The following THOC1 variants were observed in gnomAD, a reference collection of about 807,000 sequenced individuals.
THOC1 encodes THO complex subunit 1.
THOC1 carries 29 observed loss-of-function variants against 97.3 expected under a neutral mutation model. The observed-to-expected ratio is 0.30, with a 90% CI of 0.22 to 0.41. The LOEUF is 0.41. THOC1 is among the 10% of genes least tolerant of loss of function. THOC1 has a pLI of 1.00. For synonymous variants in THOC1, 255 were observed against 257.0 expected (o/e 0.99, Z 0.07); for missense variants, 529 against 761.9 (o/e 0.69, Z 3.60).
At chr18:235,012 G>A (rs1911625026) in intron 11 of THOC1, among the ~76,000 whole-genome samples, 1 of 151,226 alleles carries the variant, frequency 6.6e-6, no homozygotes, top group Non-Finnish European at 1.5e-5. Flanking sequence ...AAAAACCTCT[G>A]GGCCTGATGT....
At chr18:217,780 C>T (rs566990116) in intron 18 of THOC1, among the ~76,000 whole-genome samples, 2 of 152,150 alleles carry the variant, frequency 1.3e-5, no homozygotes, top group East Asian at 1.9e-4. Flanking sequence ...CTTTAAGCCA[C>T]GGCAACCTTG....
At chr18:241,981 C>T (rs909901971) in intron 11 of THOC1, among the ~76,000 whole-genome samples, 5 of 152,168 alleles carry the variant, frequency 3.3e-5, no homozygotes, top group African/African-American at 1.2e-4. Context: ...TTATTTTGCT[C>T]TGCTAAAAAG....
chr18:222,150 A>G (rs1911114719), intron 17 of THOC1, among the ~76,000 whole-genome samples: 1 of 152,200 alleles, frequency 6.6e-6, no homozygotes, highest in African/African-American at 2.4e-5. Context: ...GACTTAAACC[A>G]TAACATTCTT....
chr18:224,283 A>G, intron 15 of THOC1, 104 bp from the exon 16 acceptor site: 1 of 937,332 alleles, frequency 1.1e-6, no homozygotes, highest in Non-Finnish European at 1.6e-6. Flanking sequence ...TTCCTCTTAA[A>G]AAAGATGAAA....
chr18:266,319 C>G (rs1912766236), intron 1 of THOC1, among the ~76,000 whole-genome samples: 1 of 152,260 alleles, frequency 6.6e-6, no homozygotes, highest in African/African-American at 2.4e-5. Flanking sequence ...GTTCCTTTAT[C>G]TCTTTGTGCT....
chr18:258,566 T>C (rs1050230148), intron 7 of THOC1, among the ~76,000 whole-genome samples: 3 of 152,140 alleles, frequency 2.0e-5, no homozygotes, highest in African/African-American at 7.2e-5. Context: ...TTCACATGTT[T>C]TAATTCATTT....
intron 7 of THOC1, among the ~76,000 whole-genome samples, chr18:257,421 A>G (rs190460550): frequency 8.5e-5 from 13 of 152,348 alleles, no homozygotes; most frequent in Admixed American, 8.5e-4. Context: ...GTTAATAAAC[A>G]GATCTACTGG....
chr18:242,489 G>A lies in THOC1; in HGVS notation c.918+3835C>T, dbSNP rs548789022. Among the ~76,000 whole-genome samples, 8 of 151,872 alleles carry A rather than the reference G, an allele frequency of 5.3e-5. No individual in the cohort carries two copies. The highest frequency in any genetic ancestry group is 1.2e-4 in the African/African-American group (5 of 41,396). ...ATCATCCTTGCCAAGCATTGTTTCCGGACTATCCCTAAGGAAAAGTCTGAC... is the reference window on the plus strand; with the variant it reads ...ATCATCCTTGCCAAGCATTGTTTCCAGACTATCCCTAAGGAAAAGTCTGAC... On this transcript the variant is annotated intron_variant, in intron 11 of 20. Coordinates refer to ENST00000261600, the MANE Select transcript of THOC1 (RefSeq NM_005131.3). This position sits in a 1 kb window ranked among gnomAD's most constrained non-coding sequence, Gnocchi z 4.5.
intron 11 of THOC1, among the ~76,000 whole-genome samples, chr18:239,916 C>T (rs1269112355): frequency 6.6e-6 from 1 of 152,124 alleles, no homozygotes; most frequent in Non-Finnish European, 1.5e-5. Context: ...TTGCCCTCTA[C>T]AGAGTCTGTC....
chr18:225,441 G>A (rs1333029627), intron 12 of THOC1, 38 bp from the exon 13 acceptor site: 10 of 1,556,458 alleles, frequency 6.4e-6, no homozygotes, highest in Non-Finnish European at 8.8e-6. Flanking sequence ...TTGAGTTACA[G>A]CAATGCATAT....
intron 20 of THOC1, among the ~76,000 whole-genome samples, chr18:215,214 C>T (rs1227813855): frequency 2.6e-5 from 4 of 152,142 alleles, no homozygotes; most frequent in Non-Finnish European, 5.9e-5. Flanking sequence ...TTTTCATTCC[C>T]TTTTAAAGCA....
At chr18:217,932 G>A (rs1910949601) in intron 18 of THOC1, among the ~76,000 whole-genome samples, 1 of 152,194 alleles carries the variant, frequency 6.6e-6, no homozygotes, top group African/African-American at 2.4e-5. Context: ...GACCAAGGAG[G>A]TCTTTTAGGC....
intron 17 of THOC1, among the ~76,000 whole-genome samples, chr18:221,667 G>GAC (rs1911086049): frequency 7.2e-6 from 1 of 139,260 alleles, no homozygotes; most frequent in Non-Finnish European, 1.5e-5. Flanking sequence ...GGAGTGCAGT[G>GAC]GTGCGATCTC....
chr18:217,693 G>A (rs551994071), intron 18 of THOC1, among the ~76,000 whole-genome samples: 1 of 151,202 alleles, frequency 6.6e-6, no homozygotes, highest in South Asian at 2.1e-4. Flanking sequence ...TTGGATAGTG[G>A]TAAGTGCCGT....
chr18:246,464 T>G lies in THOC1; in HGVS notation c.787-9A>C. 2.6e-6 allele frequency: 4 copies of G among 1,558,602 alleles called. No homozygotes were observed. The highest frequency in any genetic ancestry group is 3.5e-6 in the Non-Finnish European group (4 of 1,151,026). On this transcript the variant is annotated splice_polypyrimidine_tract_variant and intron_variant, in intron 10 of 20. Transcript: ENST00000261600. ...AAAACTTCTTCAGAATACTGCAAAA[T>G]AAAAATATTAGTTTTATTCGACATT... is the stretch of plus-strand genomic sequence containing the variant.
At chr18:251,880 A>C (rs956802224) in intron 9 of THOC1, among the ~76,000 whole-genome samples, 2 of 152,200 alleles carry the variant, frequency 1.3e-5, no homozygotes, top group African/African-American at 4.8e-5. Context: ...TGTTTTTATT[A>C]ATCTTTCTCA....
chr18:248,516 C>T (rs1314736302), intron 9 of THOC1, among the ~76,000 whole-genome samples: 1 of 152,166 alleles, frequency 6.6e-6, no homozygotes, highest in South Asian at 2.1e-4. Context: ...GAAAAATCAA[C>T]TTTTATGTTG....
At chr18:227,785 C>T (rs1373428624) in intron 11 of THOC1, among the ~76,000 whole-genome samples, 2 of 152,244 alleles carry the variant, frequency 1.3e-5, no homozygotes, top group Admixed American at 6.5e-5. Flanking sequence ...CTAAATGAAT[C>T]GCCAGTAAGG....
rs1276483874 is a variant in THOC1 at position 214,537 on chromosome 18, A to ATTGT, written c.*85_*88dup. On this transcript the variant is annotated 3_prime_UTR_variant, in exon 21 of 21. Coordinates refer to ENST00000261600, the MANE Select transcript of THOC1 (RefSeq NM_005131.3). ...TACAACAATTGTTATAAAAATGTTT[A>ATTGT]TTGTTTACCAAAACCAGTGGACCTC... is the stretch of plus-strand genomic sequence containing the variant. 14 of 1,052,220 alleles carry ATTGT rather than the reference A, an allele frequency of 1.3e-5. No homozygotes were observed. The highest frequency in any genetic ancestry group is 2.5e-4 in the Middle Eastern group (1 of 3,946). The allele number at this position is 1,052,220 out of a possible 1,614,324, so 65.2% of individuals were successfully genotyped here.
Sources: allele counts gnomAD v4.1 joint callset (sites outside exome capture counted in the v4.1 genomes callset), GRCh38; gene constraint gnomAD v4.1.1; non-coding constraint Gnocchi (gnomAD v3.1); transcripts MANE v1.5; gene names NCBI Gene and HGNC (gene_info 2026-07-23, HGNC 2026-07-21).